Variants in TAFA2 observed in about 807,000 individuals in gnomAD.
The protein encoded by TAFA2 is chemokine-like protein TAFA-2.
A neutral mutation model predicts 18.8 loss-of-function variants in TAFA2; 7 were observed. The observed-to-expected ratio is 0.37, with a 90% CI of 0.21 to 0.70. The LOEUF (loss-of-function observed/expected upper bound fraction) is 0.70, where lower values mean the gene tolerates loss of function less well. Ranked by LOEUF, TAFA2 falls within the 30% of genes least tolerant of loss-of-function variation. The pLI is 0.53. For synonymous variants in TAFA2, 60 were observed against 54.2 expected (o/e 1.11, Z -0.47); for missense variants, 122 against 158.1 (o/e 0.77, Z 1.23).
chr12:62,068,898 T>C (rs1336025698), intron 1 of TAFA2, among the ~76,000 whole-genome samples: 1 of 152,190 alleles, frequency 6.6e-6, no homozygotes, highest in Admixed American at 6.5e-5. Context: ...GCATCAGTGT[T>C]ACCAACATCA....
intron 2 of TAFA2, among the ~76,000 whole-genome samples, chr12:61,829,330 C>T (rs1156491999): frequency 4.0e-5 from 6 of 151,504 alleles, no homozygotes; most frequent in African/African-American, 1.2e-4. Context: ...TTATTGAACT[C>T]GTATATGATT....
At chr12:62,184,114 C>G (rs562009417) in intron 1 of TAFA2, among the ~76,000 whole-genome samples, 1 of 152,276 alleles carries the variant, frequency 6.6e-6, no homozygotes, top group South Asian at 2.1e-4. Flanking sequence ...CTCAATCTTA[C>G]AAAGCTGAAG....
intron 1 of TAFA2, among the ~76,000 whole-genome samples, chr12:62,166,508 C>G (rs2062440926): frequency 6.6e-6 from 1 of 152,056 alleles, no homozygotes; most frequent in African/African-American, 2.4e-5. Flanking sequence ...TAAAGCAAAC[C>G]CCAGTTTCCC....
intron 1 of TAFA2, among the ~76,000 whole-genome samples, chr12:61,963,528 C>G (rs1317217152): frequency 2.0e-5 from 3 of 151,968 alleles, no homozygotes; most frequent in Admixed American, 6.6e-5. Context: ...CCTTCACCCA[C>G]TTTTTGATGG....
chr12:62,257,366 C>T (rs1248855759), intron 1 of TAFA2, among the ~76,000 whole-genome samples: 1 of 152,030 alleles, frequency 6.6e-6, no homozygotes, highest in African/African-American at 2.4e-5. Context: ...CTCTGGTTCA[C>T]CCCAGGCTGA....
intron 1 of TAFA2, among the ~76,000 whole-genome samples, chr12:62,214,599 C>A (rs2062726631): frequency 6.6e-6 from 1 of 152,100 alleles, no homozygotes; most frequent in African/African-American, 2.4e-5. Flanking sequence ...GAGATAAGAT[C>A]TTTTTTAAAG....
chr12:61,928,409 G>T (rs971140629), intron 1 of TAFA2, among the ~76,000 whole-genome samples: 1 of 150,916 alleles, frequency 6.6e-6, no homozygotes, highest in Non-Finnish European at 1.5e-5. Flanking sequence ...AAAAATGTAT[G>T]ATAAAGAGCT....
intron 1 of TAFA2, among the ~76,000 whole-genome samples, chr12:61,972,880 A>G (rs1223543625): frequency 1.3e-5 from 2 of 151,626 alleles, no homozygotes; most frequent in African/African-American, 4.8e-5. Context: ...ATCCATGATT[A>G]GAAAGCAGGT....
intron 4 of TAFA2, among the ~76,000 whole-genome samples, chr12:61,718,889 G>A (rs1336591924): frequency 6.6e-6 from 1 of 152,156 alleles, no homozygotes; most frequent in African/African-American, 2.4e-5. Flanking sequence ...TTTAAAAAAT[G>A]AGTTTAAGAT....
intron 1 of TAFA2, among the ~76,000 whole-genome samples, chr12:62,167,506 A>G (rs2062448789): frequency 1.3e-5 from 2 of 152,192 alleles, no homozygotes; most frequent in African/African-American, 4.8e-5. Context: ...TATTGGTGTC[A>G]TTGATATCCA....
chr12:62,147,231 C>CAT (rs71083980), intron 1 of TAFA2, among the ~76,000 whole-genome samples: 17,242 of 141,320 alleles, frequency 0.12, 1,414 homozygotes, highest in East Asian at 0.34. Context: ...AAACCAAATA[C>CAT]ATATATATAT....
intron 1 of TAFA2, among the ~76,000 whole-genome samples, chr12:62,167,027 T>G (rs2062445127): frequency 6.6e-6 from 1 of 152,102 alleles, no homozygotes; most frequent in African/African-American, 2.4e-5. Context: ...TAGCGATGTT[T>G]CCATATGCCA....
intron 1 of TAFA2, among the ~76,000 whole-genome samples, chr12:61,939,117 C>T (rs1001817552): frequency 1.2e-4 from 18 of 152,072 alleles, no homozygotes; most frequent in Admixed American, 3.3e-4. Context: ...TCCAGGCACA[C>T]CCTACTAGAA....
intron 4 of TAFA2, among the ~76,000 whole-genome samples, chr12:61,737,470 G>C (rs1868323020): frequency 1.3e-5 from 2 of 151,662 alleles, no homozygotes; most frequent in African/African-American, 4.8e-5. Flanking sequence ...GATTTTCAGA[G>C]AATCAGATGG....
At chr12:61,804,797 T>C (rs1282440165) in intron 2 of TAFA2, among the ~76,000 whole-genome samples, 1 of 151,972 alleles carries the variant, frequency 6.6e-6, no homozygotes, top group Non-Finnish European at 1.5e-5. Flanking sequence ...TATTACTACT[T>C]TTCAAATGAG....
At chr12:61,859,539 G>A (rs1484660731) in intron 2 of TAFA2, among the ~76,000 whole-genome samples, 2 of 152,222 alleles carry the variant, frequency 1.3e-5, no homozygotes, top group African/African-American at 2.4e-5. Flanking sequence ...CGCCTACAGG[G>A]CTCAAGCGAT....
chr12:61,907,260 G>C (rs575940182), intron 1 of TAFA2, among the ~76,000 whole-genome samples: 1 of 152,324 alleles, frequency 6.6e-6, no homozygotes, highest in Non-Finnish European at 1.5e-5. Context: ...GGGAGAAAAA[G>C]ATAATTCTGT....
intron 1 of TAFA2, among the ~76,000 whole-genome samples, chr12:62,055,580 A>G (rs1051332738): frequency 2.0e-5 from 3 of 152,232 alleles, no homozygotes; most frequent in African/African-American, 7.2e-5. Context: ...AAAAACAGTA[A>G]TGATTTTAGA....
rs369977977 is a variant in TAFA2 at position 62,160,035 on chromosome 12, A to G, written c.-2+31224T>C. On this transcript the variant is annotated intron_variant, in intron 1 of 4. Transcript: ENST00000416284. ...ACCCATACTCAAGTCATTCAGCTCAAGAAATAAGTAATGAACATCATCTGC... is the reference window on the plus strand; with the variant it reads ...ACCCATACTCAAGTCATTCAGCTCAGGAAATAAGTAATGAACATCATCTGC... Among the ~76,000 whole-genome samples the G allele has an allele frequency of 2.6e-5, 4 of 152,172 alleles. No homozygotes were observed. The East Asian group carries it at 7.7e-4, about 29-fold the overall frequency.
Sources: gnomAD v4.1 joint callset for allele counts (sites outside exome capture counted in the v4.1 genomes callset) on GRCh38, gnomAD v4.1.1 for gene constraint, MANE v1.5 for transcripts, NCBI Gene and HGNC (gene_info 2026-07-23, HGNC 2026-07-21) for gene names.